The following TOMM70 variants were observed in gnomAD, a reference collection of about 807,000 sequenced individuals.
TOMM70 encodes the protein translocase of outer mitochondrial membrane 70.
A neutral mutation model predicts 73.6 loss-of-function variants in TOMM70; 13 were observed. The observed-to-expected ratio is 0.18, with a 90% CI of 0.11 to 0.28. The LOEUF (loss-of-function observed/expected upper bound fraction) is 0.28. TOMM70 is among the 10% of genes least tolerant of loss of function. The pLI is 1.00. For missense variants in TOMM70, 609 were observed against 747.5 expected (o/e 0.81, Z 2.16); for synonymous variants, 257 against 271.2 (o/e 0.95, Z 0.51).
chr3:100,385,606 G>C (rs1040842497), intron 3 of TOMM70, among the ~76,000 whole-genome samples: 15 of 152,172 alleles, frequency 9.9e-5, no homozygotes, highest in African/African-American at 3.6e-4. Context: ...ACTGTTAATT[G>C]CAGCTTTGGA....
chr3:100,367,016 T>C (rs1430105294), intron 11 of TOMM70, among the ~76,000 whole-genome samples: 1 of 152,214 alleles, frequency 6.6e-6, no homozygotes, highest in Non-Finnish European at 1.5e-5. Flanking sequence ...GGCCGAGAGT[T>C]TGAGACCATC....
intron 8 of TOMM70, 68 bp from the exon 9 acceptor site, chr3:100,372,790 C>A: frequency 8.1e-7 from 1 of 1,238,380 alleles, no homozygotes; most frequent in East Asian, 2.3e-5. Flanking sequence ...AACATAAACA[C>A]ACAAAATTAC....
At chr3:100,370,818 C>T (rs1284517941) in intron 9 of TOMM70, among the ~76,000 whole-genome samples, 1 of 152,176 alleles carries the variant, frequency 6.6e-6, no homozygotes, top group Non-Finnish European at 1.5e-5. Flanking sequence ...CCAAACCTAT[C>T]TTGAAGGCAG....
At chr3:100,368,741 AT>A (rs879314001) in intron 10 of TOMM70, among the ~76,000 whole-genome samples, 1 of 152,022 alleles carries the variant, frequency 6.6e-6, no homozygotes, top group Non-Finnish European at 1.5e-5. Context: ...CACCTGGCTA[AT>A]TTTTTGTAGT....
At chr3:100,392,771 C>T (rs1306463293) in intron 1 of TOMM70, among the ~76,000 whole-genome samples, 1 of 152,086 alleles carries the variant, frequency 6.6e-6, no homozygotes, top group Non-Finnish European at 1.5e-5. Flanking sequence ...AGTAGGTCTA[C>T]CATTTGATTC....
rs185834394 is a variant in TOMM70 at position 100,364,762 on chromosome 3, T to C, written c.*802A>G. ...ACATTTTTAAAAGCTCACCATTAAA[T>C]AGTACTAATTATTATAGAAAATAGT... On this transcript the variant is annotated 3_prime_UTR_variant, in exon 12 of 12. Coordinates refer to ENST00000284320, the MANE Select transcript of TOMM70 (RefSeq NM_014820.5). 2.0e-5 allele frequency: 3 copies of C among 152,330 alleles called. No individual in the cohort carries two copies. Among genetic ancestry groups the C allele is most frequent in the Admixed American group, 2.0e-4 (3 of 15,288 alleles). 9.4% of individuals were successfully genotyped at this position (152,330 alleles called of 1,614,324 possible).
chr3:100,371,259 ATTTTTTTTTTTT>A (rs61515802), intron 9 of TOMM70, among the ~76,000 whole-genome samples: 33 of 98,650 alleles, frequency 3.3e-4, no homozygotes, highest in East Asian at 1.5e-3. Flanking sequence ...CAGCGATGGT[ATTTTTTTTTTTT>A]TTTTTTTTTT....
At chr3:100,383,962 T>C (rs1426668606) in intron 4 of TOMM70, among the ~76,000 whole-genome samples, 1 of 152,226 alleles carries the variant, frequency 6.6e-6, no homozygotes, top group Admixed American at 6.5e-5. Context: ...ACATGTAGCT[T>C]TGTTTAATAA....
At chr3:100,400,460 A>T (rs758732223) in intron 1 of TOMM70, among the ~76,000 whole-genome samples, 166 bp downstream of exon 1, 29 of 152,150 alleles carry the variant, frequency 1.9e-4, no homozygotes, top group Non-Finnish European at 3.8e-4. Context: ...TCATCGAGCT[A>T]CTCTATGCCC....
At chr3:100,373,711 C>G in intron 7 of TOMM70, 66 bp from the exon 8 acceptor site, 1 of 1,084,056 alleles carries the variant, frequency 9.2e-7, no homozygotes, top group Non-Finnish European at 1.4e-6. Context: ...AGTGTCTCAT[C>G]TCTATTATTA....
chr3:100,370,594 G>A (rs556742728), intron 9 of TOMM70, among the ~76,000 whole-genome samples: 53 of 152,200 alleles, frequency 3.5e-4, no homozygotes, highest in African/African-American at 1.2e-3. Context: ...TTTGCGAGTT[G>A]GCCAGCATCT....
chr3:100,388,372 A>C (rs1706717301), intron 1 of TOMM70, among the ~76,000 whole-genome samples: 1 of 152,188 alleles, frequency 6.6e-6, no homozygotes, highest in African/African-American at 2.4e-5. Flanking sequence ...GAGGAAGCAG[A>C]AATCACATTA....
In TOMM70 at chr3:100,368,119, A is replaced by C; in HGVS notation, c.1598T>G (p.Leu533Arg). 1 of 1,613,968 alleles carries C rather than the reference A, an allele frequency of 6.2e-7. No homozygotes were observed. Among genetic ancestry groups the C allele is most frequent in the Non-Finnish European group, 8.5e-7 (1 of 1,179,956 alleles). Residue 533 changes from leucine (L) to arginine (R), a missense_variant, in exon 11 of 12, where the codon CTT (leucine) becomes CGT (arginine). Around this residue, in one of 2 missense-constraint regions of TOMM70, gnomAD observed 432 missense variants for 584.1 expected, o/e 0.74. Transcript: ENST00000284320. ...WKQDLDRGLE[L>R]ISKAIEIDNK... ...GTCAATTTCAATAGCCTTGCTGATAAGTTCCAAACCTCTATCCAGATCTTG... is the reference window on the plus strand; with the variant it reads ...GTCAATTTCAATAGCCTTGCTGATACGTTCCAAACCTCTATCCAGATCTTG...
chr3:100,400,641 AC>A lies in TOMM70; in HGVS notation c.308del (p.Gly103ValfsTer6). 6.2e-7 allele frequency: 1 copy of A among 1,612,168 alleles called. No individual in the cohort carries two copies. Among genetic ancestry groups the A allele is most frequent in the Non-Finnish European group, 8.5e-7 (1 of 1,179,582 alleles). On this transcript the variant is annotated frameshift_variant, in exon 1 of 12. Transcript: ENST00000284320. LOFTEE classifies it high-confidence loss of function. ...TGCTTCTCACCATGTCCAAGTGAGC[AC>A]CGGGACCTTCAGGGTGTCCGCTGCC... ...APGSGHPEGPGAHLDMNSLDR... is the reference protein window; with the variant it reads ...APGSGHPEGPXAHLDMNSLDR...
At chr3:100,386,372 C>A in intron 2 of TOMM70, 28 bp from the exon 3 acceptor site, 1 of 1,581,942 alleles carries the variant, frequency 6.3e-7, no homozygotes, top group South Asian at 1.2e-5. Context: ...TAAAAAAAGT[C>A]ACACTAAAGA....
chr3:100,372,753 C>A, intron 8 of TOMM70, 31 bp from the exon 9 acceptor site: 1 of 1,551,904 alleles, frequency 6.4e-7, no homozygotes, highest in Non-Finnish European at 8.8e-7. Context: ...CCTGTCAAAT[C>A]AAGAACTCAA....
At chr3:100,370,381 G>A (rs1182611084) in intron 9 of TOMM70, among the ~76,000 whole-genome samples, 2 of 152,160 alleles carry the variant, frequency 1.3e-5, no homozygotes, top group East Asian at 1.9e-4. Flanking sequence ...CATTAAGTGA[G>A]TGTACCACAA....
In TOMM70 at chr3:100,400,792, G is replaced by A; in HGVS notation, c.158C>T (p.Ala53Val). ...LAVGAPLLLGAGAIYLWSRQQ... is the reference protein window; with the variant it reads ...LAVGAPLLLGVGAIYLWSRQQ... ...CCGACTCCACAGGTATATGGCACCC[G>A]CGCCCAGCAGCAGGGGTGCCCCGAC... Residue 53 changes from alanine (A) to valine (V), a missense_variant, in exon 1 of 12, where the codon GCG becomes GTG. Ala to Val is a moderately conservative substitution (Grantham distance 64, BLOSUM62 0). Coordinates refer to ENST00000284320, the MANE Select transcript of TOMM70 (RefSeq NM_014820.5). The A allele has an allele frequency of 1.3e-6, 2 of 1,544,678 alleles. No homozygotes were observed. The highest frequency in any genetic ancestry group is 1.7e-6 in the Non-Finnish European group (2 of 1,152,816).
chr3:100,394,704 T>C (rs1415942224), intron 1 of TOMM70, among the ~76,000 whole-genome samples: 1 of 152,124 alleles, frequency 6.6e-6, no homozygotes, highest in Non-Finnish European at 1.5e-5. Context: ...GGTTTCACCA[T>C]GTTGGCCAGG....
Sources: allele counts gnomAD v4.1 joint callset (sites outside exome capture counted in the v4.1 genomes callset), GRCh38; gene constraint gnomAD v4.1.1; regional missense constraint gnomAD v4.1.1; transcripts MANE v1.5; gene names NCBI Gene and HGNC (gene_info 2026-07-23, HGNC 2026-07-21).